Variants in SDCCAG8 observed in about 807,000 individuals in gnomAD.
SDCCAG8 encodes the protein serologically defined colon cancer antigen 8.
Under a neutral mutation model 101.8 loss-of-function variants are expected in SDCCAG8, and 74 were observed. The ratio of observed to expected loss-of-function variants is 0.73; its 90% CI spans 0.60 to 0.88. SDCCAG8 has a LOEUF of 0.88. SDCCAG8 is among the 40% of genes least tolerant of loss of function. The probability of loss-of-function intolerance (pLI) is 0.00; values close to 1 mark genes in which losing one functional copy is unlikely to be tolerated. For synonymous variants in SDCCAG8, 281 were observed against 292.9 expected, an observed-to-expected ratio of 0.96 and a Z score of 0.41; for missense variants, 787 against 822.6, an observed-to-expected ratio of 0.96 and a Z score of 0.53.
At chr1:243,424,002 G>T (rs2081182003) in intron 15 of SDCCAG8, among the ~76,000 whole-genome samples, 1 of 152,046 alleles carries the variant, frequency 6.6e-6, no homozygotes, top group Non-Finnish European at 1.5e-5. Flanking sequence ...ATCTGGTTTT[G>T]TTGTGCTATT....
Position 243,271,001 on chromosome 1 carries a change from C to A in SDCCAG8, c.244C>A (p.Arg82Ser), listed in dbSNP as rs143447584. The part of the protein sequence containing the change: ...HAVNQLKDLL[R>S]QQADKESEVS... ...AGTTAATCAGCTCAAAGATTTGTTG[C>A]GCCAACAAGCAGATAAGGAAAGTGA... is the stretch of plus-strand genomic sequence containing the variant. The change falls in exon 3 of 18, where the codon CGC (arginine) becomes AGC (serine). Residue 82 changes from arginine to serine, a missense_variant. By Grantham distance (110) the Arg-to-Ser change is moderately radical. Coordinates refer to ENST00000366541, the MANE Select transcript of SDCCAG8 (RefSeq NM_006642.5). The A allele has an allele frequency of 1.2e-6, 2 of 1,613,012 alleles. No individual in the cohort carries two copies. Among genetic ancestry groups the A allele is most frequent in the Non-Finnish European group, 1.7e-6 (2 of 1,179,334 alleles).
chr1:243,257,007 G>C (rs577101382), intron 1 of SDCCAG8, among the ~76,000 whole-genome samples: 6 of 152,252 alleles, frequency 3.9e-5, no homozygotes, highest in African/African-American at 1.4e-4. Flanking sequence ...TGTACTTTTA[G>C]ATGGCGCTGT....
At chr1:243,266,385 C>T (rs995706071) in intron 1 of SDCCAG8, among the ~76,000 whole-genome samples, 53 of 149,548 alleles carry the variant, frequency 3.5e-4, no homozygotes, top group Admixed American at 2.7e-4. Flanking sequence ...GGTGTGATCT[C>T]GGCTCACTGC....
chr1:243,307,513 T>G (rs147089981), intron 7 of SDCCAG8: 11,856 of 984,356 alleles, frequency 0.012, 90 homozygotes, highest in Non-Finnish European at 0.013. Context: ...AATCCATGTT[T>G]TTTTATGTGA....
intron 6 of SDCCAG8, among the ~76,000 whole-genome samples, chr1:243,294,482 G>GGAGAGAGAGAGAGAGAAAGA (rs1558248017): frequency 1.0e-5 from 1 of 99,954 alleles, no homozygotes; most frequent in East Asian, 2.7e-4. Context: ...GTGGGGGGGG[G>GGAGAGAGAGAGAGAGAAAGA]GAGAGAGAGA....
intron 6 of SDCCAG8, among the ~76,000 whole-genome samples, chr1:243,299,008 A>G (rs2071233389): frequency 6.6e-6 from 1 of 152,246 alleles, no homozygotes; most frequent in South Asian, 2.1e-4. Context: ...TCATTTGAGA[A>G]TCAACATTTT....
chr1:243,302,823 G>A (rs1050522278), intron 6 of SDCCAG8, among the ~76,000 whole-genome samples: 2 of 152,122 alleles, frequency 1.3e-5, no homozygotes, highest in African/African-American at 4.8e-5. Flanking sequence ...TCTATGGAAA[G>A]CATTTTCAAC....
chr1:243,372,558 G>A (rs567076743), intron 12 of SDCCAG8, among the ~76,000 whole-genome samples: 28 of 152,040 alleles, frequency 1.8e-4, no homozygotes, highest in African/African-American at 6.5e-4. Context: ...GTATAGTAGA[G>A]TTTCTTTTAA....
intron 12 of SDCCAG8, among the ~76,000 whole-genome samples, chr1:243,372,127 T>A (rs2077328677): frequency 2.0e-5 from 3 of 152,140 alleles, no homozygotes; most frequent in African/African-American, 7.2e-5. Flanking sequence ...AGATTATATG[T>A]TTCAATTTTC....
At chr1:243,419,222 C>T (rs1263617411) in intron 15 of SDCCAG8, among the ~76,000 whole-genome samples, 1 of 151,944 alleles carries the variant, frequency 6.6e-6, no homozygotes, top group Non-Finnish European at 1.5e-5. Context: ...ACCTTCCTAG[C>T]GTATACTAAG....
intron 13 of SDCCAG8, among the ~76,000 whole-genome samples, chr1:243,412,261 A>T (rs1254419222): frequency 1.3e-5 from 2 of 152,138 alleles, no homozygotes; most frequent in Non-Finnish European, 2.9e-5. Flanking sequence ...TCAATCCATT[A>T]TCGTATTACC....
intron 12 of SDCCAG8, among the ~76,000 whole-genome samples, chr1:243,362,998 G>A (rs746164390): frequency 1.3e-5 from 2 of 152,086 alleles, no homozygotes; most frequent in Non-Finnish European, 2.9e-5. Flanking sequence ...CAGCTTGTCC[G>A]AGCTCTCTTG....
At chr1:243,437,752 A>G (rs1214283980) in intron 16 of SDCCAG8, among the ~76,000 whole-genome samples, 1 of 151,990 alleles carries the variant, frequency 6.6e-6, no homozygotes, top group African/African-American at 2.4e-5. Flanking sequence ...GTTAGCCAGG[A>G]TGGTCTCGAT....
At chr1:243,334,973 A>G (rs1314063154) in intron 10 of SDCCAG8, among the ~76,000 whole-genome samples, 1 of 152,106 alleles carries the variant, frequency 6.6e-6, no homozygotes, top group Non-Finnish European at 1.5e-5. Flanking sequence ...AGCTCACTTC[A>G]TTACAAATTC....
chr1:243,370,669 C>T (rs969771844), intron 12 of SDCCAG8, among the ~76,000 whole-genome samples: 8 of 152,072 alleles, frequency 5.3e-5, no homozygotes, highest in African/African-American at 1.9e-4. Flanking sequence ...GCACTTCTTT[C>T]TTGCCATAGT....
intron 13 of SDCCAG8, among the ~76,000 whole-genome samples, chr1:243,381,466 A>G (rs538766437): frequency 3.3e-5 from 5 of 152,196 alleles, no homozygotes; most frequent in African/African-American, 9.6e-5. Context: ...TGGTGCACCT[A>G]TAGACCCAGC....
intron 12 of SDCCAG8, among the ~76,000 whole-genome samples, chr1:243,344,696 A>G (rs1261675555): frequency 2.0e-5 from 3 of 152,206 alleles, no homozygotes; most frequent in African/African-American, 4.8e-5. Flanking sequence ...TAAATGAAAA[A>G]GTTTAAAATT....
chr1:243,492,509 G>A (rs1644267105), intron 17 of SDCCAG8, among the ~76,000 whole-genome samples: 1 of 150,852 alleles, frequency 6.6e-6, no homozygotes, highest in East Asian at 1.9e-4. Flanking sequence ...TCGCCATGTT[G>A]GCCAGGCTGG....
intron 5 of SDCCAG8, 93 bp downstream of exon 5, chr1:243,286,490 C>A: frequency 1.4e-6 from 2 of 1,398,076 alleles, no homozygotes; most frequent in East Asian, 2.4e-5. Flanking sequence ...GATTTTCTCC[C>A]TGAAGTGTGG....
Sources: gnomAD v4.1 joint callset for allele counts (sites outside exome capture counted in the v4.1 genomes callset) on GRCh38, gnomAD v4.1.1 for gene constraint, MANE v1.5 for transcripts, NCBI Gene and HGNC (gene_info 2026-07-23, HGNC 2026-07-21) for gene names.